Variants in IQSEC1 observed in about 807,000 individuals in gnomAD.
IQSEC1 encodes the protein IQ motif and Sec7 domain ArfGEF 1.
A neutral mutation model predicts 91.0 loss-of-function variants in IQSEC1; 31 were observed. That is an observed-to-expected ratio of 0.34 (90% CI 0.26 to 0.46). The LOEUF is 0.46. Among genes scored for constraint, IQSEC1 ranks in the 20% least tolerant of loss-of-function variants. IQSEC1 has a pLI of 1.00. For synonymous variants in IQSEC1, 699 were observed against 662.6 expected (o/e 1.05, Z -0.84); for missense variants, 1,388 against 1,575.6 (o/e 0.88, Z 2.02).
At chr3:13,185,621 C>T (rs1693918068) in intron 1 of IQSEC1, among the ~76,000 whole-genome samples, 1 of 152,212 alleles carries the variant, frequency 6.6e-6, no homozygotes, top group Admixed American at 6.5e-5. Context: ...CCAGGAGAGA[C>T]AAACCCAAAG....
intron 1 of IQSEC1, among the ~76,000 whole-genome samples, chr3:13,230,140 G>T (rs1173969326): frequency 3.9e-5 from 6 of 152,168 alleles, no homozygotes; most frequent in African/African-American, 1.4e-4. Context: ...CATCTTTAAA[G>T]AATAAAGAAC....
chr3:13,141,513 G>A (rs1190436788), intron 2 of IQSEC1, among the ~76,000 whole-genome samples: 1 of 152,228 alleles, frequency 6.6e-6, no homozygotes, highest in East Asian at 1.9e-4. Flanking sequence ...AAAAAAGCAT[G>A]AGCTAAGTAA....
chr3:13,199,881 C>T (rs1433058343), intron 1 of IQSEC1, among the ~76,000 whole-genome samples: 2 of 151,586 alleles, frequency 1.3e-5, no homozygotes, highest in African/African-American at 2.4e-5. Context: ...ATGCCACACA[C>T]ACACACCACA....
At chr3:13,111,190 G>T (rs1214810515) in intron 2 of IQSEC1, among the ~76,000 whole-genome samples, 1 of 152,160 alleles carries the variant, frequency 6.6e-6, no homozygotes, top group South Asian at 2.1e-4. Context: ...CCTGACTTAC[G>T]TTTTCTGATC....
intron 2 of IQSEC1, among the ~76,000 whole-genome samples, chr3:13,109,790 C>A (rs1368834138): frequency 8.3e-6 from 1 of 120,284 alleles, no homozygotes; most frequent in Non-Finnish European, 1.7e-5. Flanking sequence ...GCTGATTAAA[C>A]CTTTTTTTTT....
At chr3:13,111,226 AG>A (rs1368705221) in intron 2 of IQSEC1, among the ~76,000 whole-genome samples, 3 of 152,200 alleles carry the variant, frequency 2.0e-5, no homozygotes, top group Non-Finnish European at 2.9e-5. Flanking sequence ...CAGTGTGCCC[AG>A]GGCTCACCAC....
chr3:13,083,377 G>A (rs1017102607), intron 2 of IQSEC1, among the ~76,000 whole-genome samples: 3 of 152,210 alleles, frequency 2.0e-5, no homozygotes, highest in Non-Finnish European at 2.9e-5. Context: ...GATAACAACC[G>A]TGGAGTCAAG....
Position 13,046,663 on chromosome 3 carries a change from C to A in IQSEC1, c.23+26329G>T, listed in dbSNP as rs138191083. On this transcript the variant is annotated intron_variant, in intron 1 of 13. Transcript: ENST00000613206. ...CTCCCCCAACTCCCCTCCTCCCTCT[C>A]CATGGCCCGGCCACATCCACCCTCC... Among the ~76,000 whole-genome samples, 11 of 152,224 alleles carry A rather than the reference C, an allele frequency of 7.2e-5. No homozygotes were observed. In the East Asian group the frequency reaches 2.1e-3, roughly 29 times the overall value.
chr3:13,015,848 G>T, intron 1 of IQSEC1: 2 of 325,388 alleles, frequency 6.1e-6, no homozygotes, highest in Non-Finnish European at 8.8e-6. Flanking sequence ...CACTGGGCAG[G>T]CCCCAGTCAA....
chr3:13,252,513 G>A (rs929565723), intron 1 of IQSEC1, among the ~76,000 whole-genome samples: 6 of 152,168 alleles, frequency 3.9e-5, no homozygotes, highest in Non-Finnish European at 8.8e-5. Context: ...GTGGGTGTGC[G>A]AGTATCTCTT....
chr3:13,188,298 G>A (rs1693967413), intron 1 of IQSEC1, among the ~76,000 whole-genome samples: 1 of 152,114 alleles, frequency 6.6e-6, no homozygotes, highest in Admixed American at 6.5e-5. Flanking sequence ...TTCACATGGA[G>A]CACAGCACCC....
chr3:13,018,097 C>G (rs541110577), intron 1 of IQSEC1, among the ~76,000 whole-genome samples: 1 of 152,282 alleles, frequency 6.6e-6, no homozygotes, highest in South Asian at 2.1e-4. Context: ...GGGTGGGTGG[C>G]AGCGAGCACC....
intron 2 of IQSEC1, among the ~76,000 whole-genome samples, chr3:13,147,861 G>T (rs946256680): frequency 3.3e-5 from 5 of 152,224 alleles, no homozygotes; most frequent in African/African-American, 1.2e-4. Context: ...TCGAACTCCT[G>T]ACCTCAGGTG....
At position 12,900,811 on chromosome 3, in the gene IQSEC1, T is replaced by C. The variant is rs957144166; in HGVS notation, c.*172A>G. 2.5e-5 allele frequency: 37 copies of C among 1,470,264 alleles called. No homozygotes were observed. The highest frequency in any genetic ancestry group is 3.3e-5 in the Non-Finnish European group (37 of 1,116,702). 91.1% of individuals were successfully genotyped at this position (1,470,264 alleles called of 1,614,324 possible). A position where few individuals can be genotyped will look rare whatever the true frequency, so the allele number is the denominator to read the frequency against. Reference sequence around the variant, plus strand: ...CAAGAAATGAAATCTGGGCCTTTGTTCCACACAACACCAGCCCTGTGGGCT... The same window carrying C: ...CAAGAAATGAAATCTGGGCCTTTGTCCCACACAACACCAGCCCTGTGGGCT... On this transcript the variant is annotated 3_prime_UTR_variant, in exon 14 of 14. Transcript: ENST00000613206.
rs763152357 is a variant in IQSEC1, at chr3:12,983,323, C to T, written c.24-41458G>A. 6.6e-5 allele frequency among the ~76,000 whole-genome samples: 10 copies of T among 152,164 alleles called. No individual in the cohort carries two copies. The highest frequency in any genetic ancestry group is 2.1e-4 in the South Asian group (1 of 4,828). ...AGGGCACAGCTGGTAGAGCAGTCCT[C>T]GGAGGGGATGAAAGGTGGCGTGGTG... On this transcript the variant is annotated intron_variant, in intron 1 of 13. Coordinates refer to ENST00000613206, the MANE Select transcript of IQSEC1 (RefSeq NM_001134382.3). The surrounding 1 kb of genome is among the most constrained non-coding windows in gnomAD (Gnocchi z 4.3).
chr3:13,179,477 A>G (rs1366670514), intron 1 of IQSEC1, among the ~76,000 whole-genome samples: 1 of 152,276 alleles, frequency 6.6e-6, no homozygotes, highest in African/African-American at 2.4e-5. Flanking sequence ...TCGTGGAAAT[A>G]TCATCACCCA....
intron 1 of IQSEC1, among the ~76,000 whole-genome samples, chr3:13,249,909 G>A (rs1576310341): frequency 1.3e-5 from 2 of 152,194 alleles, no homozygotes; most frequent in South Asian, 4.1e-4. Flanking sequence ...CACTAACCAC[G>A]CAGATGCCCA....
chr3:13,028,354 G>T (rs1175631662), intron 1 of IQSEC1, among the ~76,000 whole-genome samples: 2 of 152,366 alleles, frequency 1.3e-5, no homozygotes, highest in South Asian at 2.1e-4. Context: ...GCCTCTGTTT[G>T]TCAGCTGTCC....
intron 2 of IQSEC1, among the ~76,000 whole-genome samples, chr3:13,084,865 C>T (rs1576242699): frequency 6.6e-6 from 1 of 152,140 alleles, no homozygotes; most frequent in Non-Finnish European, 1.5e-5. Flanking sequence ...CTGGTTCCTG[C>T]CCTGAGAAAG....
Sources: gnomAD v4.1 joint callset for allele counts (sites outside exome capture counted in the v4.1 genomes callset) on GRCh38, gnomAD v4.1.1 for gene constraint, Gnocchi (gnomAD v3.1) non-coding constraint, MANE v1.5 for transcripts, NCBI Gene and HGNC (gene_info 2026-07-23, HGNC 2026-07-21) for gene names.